Variants in TSHB observed in about 807,000 individuals in gnomAD.
TSHB encodes the protein thyrotropin subunit beta.
In TSHB, 9 loss-of-function variants were observed where a neutral mutation model predicts 9.3. The ratio of observed to expected loss-of-function variants is 0.97; its 90% confidence interval spans 0.58 to 1.69. The LOEUF is 1.69. Ranked by LOEUF, TSHB falls within the 40% of genes most tolerant of loss-of-function variation. The probability of loss-of-function intolerance (pLI) is 0.00; values close to 1 mark genes in which losing one functional copy is unlikely to be tolerated. For synonymous variants in TSHB, 57 were observed against 57.2 expected (o/e 1.00, Z 0.01); for missense variants, 182 against 168.5 (o/e 1.08, Z -0.44).
chr1:115,031,120 T>C (rs1674885853), intron 1 of TSHB, among the ~76,000 whole-genome samples: 1 of 152,124 alleles, frequency 6.6e-6, no homozygotes, highest in Admixed American at 6.6e-5. Flanking sequence ...GGTGAGAAAG[T>C]TGAGGCCCAG....
chr1:115,031,663 A>G (rs1248717568), intron 1 of TSHB, among the ~76,000 whole-genome samples: 1 of 152,028 alleles, frequency 6.6e-6, no homozygotes, highest in Non-Finnish European at 1.5e-5. Context: ...ATAATTTACC[A>G]GTTAGTAATT....
intron 1 of TSHB, among the ~76,000 whole-genome samples, 199 bp downstream of exon 1, chr1:115,030,059 G>A (rs749959881): frequency 1.1e-4 from 16 of 151,946 alleles, no homozygotes; most frequent in Admixed American, 2.0e-4. Context: ...ATAAGGATAA[G>A]GAAAAAATTC....
At position 115,033,343 on chromosome 1, in the gene TSHB, A is replaced by C. The variant is rs1674935218; in HGVS notation, c.-1-19A>C. The C allele has an allele frequency of 6.2e-7, 1 of 1,612,422 alleles. No individual in the cohort carries two copies. Among genetic ancestry groups the C allele is most frequent in the African/African-American group, 1.3e-5 (1 of 74,946 alleles). ...TCTGATTTTAACAAATAGGTTCTTT[A>C]ATTTTATCTTTGATTTAGCATGACT... On this transcript the variant is annotated intron_variant, in intron 1 of 2. Transcript: ENST00000256592.
At position 115,033,499 on chromosome 1, in the gene TSHB, T is replaced by A. The variant is rs1674940507; in HGVS notation, c.137T>A (p.Ile46Asn). 1 of 1,613,158 alleles carries A rather than the reference T, an allele frequency of 6.2e-7. No individual in the cohort carries two copies. The highest frequency in any genetic ancestry group is 1.3e-5 in the African/African-American group (1 of 74,862). Residue 46 changes from isoleucine (I) to asparagine (N), a missense_variant, in exon 2 of 3, where the codon ATC becomes AAC. Coordinates refer to ENST00000256592, the MANE Select transcript of TSHB (RefSeq NM_000549.5). ...CAYCLTINTTICAGYCMTRDI... is the reference protein window; with the variant it reads ...CAYCLTINTTNCAGYCMTRDI... ...TATTGCCTAACCATCAACACCACCA[T>A]CTGTGCTGGATATTGTATGACACGG...
Position 115,034,084 on chromosome 1 carries a change from G to A in TSHB, c.274G>A (p.Ala92Thr). 1.2e-6 allele frequency: 2 copies of A among 1,613,768 alleles called. No homozygotes were observed. The highest frequency in any genetic ancestry group is 1.1e-5 in the South Asian group (1 of 91,082). The change falls in exon 3 of 3, where the codon GCT becomes ACT. Residue 92 changes from alanine (A) to threonine (T), a missense_variant. Transcript: ENST00000256592. ...VEIPGCPLHV[A>T]PYFSYPVALS... ...AATACCAGGATGCCCACTCCATGTT[G>A]CTCCCTATTTTTCCTATCCTGTTGC...
intron 1 of TSHB, among the ~76,000 whole-genome samples, chr1:115,032,732 T>G (rs986296100): frequency 6.6e-6 from 1 of 152,012 alleles, no homozygotes; most frequent in Non-Finnish European, 1.5e-5. Flanking sequence ...GATATCAATA[T>G]CAATATCATA....
intron 1 of TSHB, among the ~76,000 whole-genome samples, chr1:115,032,670 C>T (rs1489830649): frequency 6.6e-6 from 1 of 151,826 alleles, no homozygotes; most frequent in Non-Finnish European, 1.5e-5. Context: ...ATTACCCTTC[C>T]TCAGTAGTAG....
rs1430418408 is a variant in TSHB at position 115,033,476 on chromosome 1, T to C, written c.114T>C (p.Tyr38=). Residue 38 remains tyrosine, a synonymous_variant, in exon 2 of 3, where the codon TAT becomes TAC. Coordinates refer to ENST00000256592, the MANE Select transcript of TSHB (RefSeq NM_000549.5). ...ACATCGAAAGGAGAGAGTGTGCTTA[T>C]TGCCTAACCATCAACACCACCATCT... ...TMHIERRECA[Y]CLTINTTICA... The C allele has an allele frequency of 6.2e-7, 1 of 1,613,408 alleles. No homozygotes were observed. The highest frequency in any genetic ancestry group is 2.2e-5 in the East Asian group (1 of 44,870).
In TSHB at chr1:115,034,120, A is replaced by G. The variant is rs1275494760; in HGVS notation, c.310A>G (p.Lys104Glu). Residue 104 changes from lysine (K) to glutamate (E), a missense_variant, in exon 3 of 3, where the codon AAG becomes GAG. By Grantham distance (56) the Lys-to-Glu change is moderately conservative. Transcript: ENST00000256592. ...YFSYPVALSC[K>E]CGKCNTDYSD... ...TTCCTATCCTGTTGCTTTAAGCTGT[A>G]AGTGTGGCAAGTGCAATACTGACTA... The G allele has an allele frequency of 6.2e-7, 1 of 1,613,846 alleles. No homozygotes were observed. The highest frequency in any genetic ancestry group is 2.2e-5 in the East Asian group (1 of 44,860).
rs776922825 is a variant in TSHB at position 115,034,261 on chromosome 1, T to G, written c.*34T>G. On this transcript the variant is annotated 3_prime_UTR_variant, in exon 3 of 3. Coordinates refer to ENST00000256592, the MANE Select transcript of TSHB (RefSeq NM_000549.5). ...TAATTTGCAATTTGGTTAAATGTGC[T>G]TGCCTGAAATAAAGCTAATAAAAAT... The G allele has an allele frequency of 6.9e-6, 11 of 1,598,628 alleles. No individual in the cohort carries two copies. In the Admixed American group the frequency reaches 1.7e-4, roughly 24 times the overall value.
chr1:115,032,509 C>T (rs1674913855), intron 1 of TSHB, among the ~76,000 whole-genome samples: 1 of 151,808 alleles, frequency 6.6e-6, no homozygotes, highest in African/African-American at 2.4e-5. Flanking sequence ...CAATACTACT[C>T]CATTAAGGTA....
intron 1 of TSHB, 109 bp from the exon 2 acceptor site, chr1:115,033,253 C>T: frequency 1.0e-6 from 1 of 979,348 alleles, no homozygotes; most frequent in South Asian, 1.4e-5. Context: ...GAATTATAAG[C>T]ATGATCATAT....
In TSHB at chr1:115,034,102, C is replaced by T. The variant is rs199873661; in HGVS notation, c.292C>T (p.Pro98Ser). The change falls in exon 3 of 3, where the codon CCT becomes TCT. Residue 98 changes from proline (P) to serine (S), a missense_variant. By Grantham distance (74) the Pro-to-Ser change is moderately conservative. Transcript: ENST00000256592. The stretch of plus-strand genomic sequence containing the variant: ...CCATGTTGCTCCCTATTTTTCCTAT[C>T]CTGTTGCTTTAAGCTGTAAGTGTGG... ...PLHVAPYFSYPVALSCKCGKC... is the reference protein window; with the variant it reads ...PLHVAPYFSYSVALSCKCGKC... 1.2e-6 allele frequency: 2 copies of T among 1,613,764 alleles called. No individual in the cohort carries two copies. Among genetic ancestry groups the T allele is most frequent in the Non-Finnish European group, 1.7e-6 (2 of 1,179,794 alleles).
rs140670184 is a variant in TSHB, at chr1:115,033,390, C to A, written c.28C>A (p.Leu10Ile). The A allele has an allele frequency of 6.2e-7, 1 of 1,613,258 alleles. No homozygotes were observed. The highest frequency in any genetic ancestry group is 2.2e-5 in the East Asian group (1 of 44,858). Residue 10 changes from leucine to isoleucine, a missense_variant, in exon 2 of 3, where the codon CTT becomes ATT. Transcript: ENST00000256592. MTALFLMSM[L>I]FGLTCGQAMS... ...GACTGCTCTCTTTCTGATGTCCATG[C>A]TTTTTGGCCTTACATGTGGGCAAGC...
At position 115,034,006 on chromosome 1, in the gene TSHB, G is replaced by T; in HGVS notation, c.196G>T (p.Ala66Ser). ...TGGCAAACTGTTTCTTCCCAAATAT[G>T]CTCTGTCCCAGGATGTTTGCACATA... is the stretch of plus-strand genomic sequence containing the variant. ...INGKLFLPKY[A>S]LSQDVCTYRD... The change falls in exon 3 of 3, where the codon GCT (alanine) becomes TCT (serine). Residue 66 changes from alanine (A) to serine (S), a missense_variant. Transcript: ENST00000256592. 1 of 1,613,602 alleles carries T rather than the reference G, an allele frequency of 6.2e-7. No individual in the cohort carries two copies. The highest frequency in any genetic ancestry group is 8.5e-7 in the Non-Finnish European group (1 of 1,179,680).
intron 1 of TSHB, among the ~76,000 whole-genome samples, chr1:115,030,156 T>G (rs780162827): frequency 6.6e-6 from 1 of 152,060 alleles, no homozygotes; most frequent in African/African-American, 2.4e-5. Context: ...TCATTTTGAT[T>G]TAAATATTGT....
rs1674936217 is a variant in TSHB, at chr1:115,033,399, C to T, written c.37C>T (p.Leu13Phe). The change falls in exon 2 of 3, where the codon CTT (leucine) becomes TTT (phenylalanine). Residue 13 changes from leucine (L) to phenylalanine (F), a missense_variant. Leu to Phe is a conservative substitution (Grantham distance 22, BLOSUM62 0). Coordinates refer to ENST00000256592, the MANE Select transcript of TSHB (RefSeq NM_000549.5). ...ALFLMSMLFGLTCGQAMSFCI... is the reference protein window; with the variant it reads ...ALFLMSMLFGFTCGQAMSFCI... ...CTTTCTGATGTCCATGCTTTTTGGC[C>T]TTACATGTGGGCAAGCGATGTCTTT... is the stretch of plus-strand genomic sequence containing the variant. The T allele has an allele frequency of 6.2e-7, 1 of 1,613,428 alleles. No homozygotes were observed.
In TSHB at chr1:115,033,383, GTCC is replaced by G; in HGVS notation, c.22_24del (p.Ser8del). 6.2e-7 allele frequency: 1 copy of G among 1,613,368 alleles called. No individual in the cohort carries two copies. Among genetic ancestry groups the G allele is most frequent in the Non-Finnish European group, 8.5e-7 (1 of 1,179,460 alleles). On this transcript the variant is annotated inframe_deletion, in exon 2 of 3. Coordinates refer to ENST00000256592, the MANE Select transcript of TSHB (RefSeq NM_000549.5). ...TTAGCATGACTGCTCTCTTTCTGAT[GTCC>G]ATGCTTTTTGGCCTTACATGTGGGC... is the stretch of plus-strand genomic sequence containing the variant.
In TSHB at chr1:115,034,250, G is replaced by T; in HGVS notation, c.*23G>T. The stretch of plus-strand genomic sequence containing the variant: ...TAATAGTGATATAATTTGCAATTTG[G>T]TTAAATGTGCTTGCCTGAAATAAAG... On this transcript the variant is annotated 3_prime_UTR_variant, in exon 3 of 3. Coordinates refer to ENST00000256592, the MANE Select transcript of TSHB (RefSeq NM_000549.5). The T allele has an allele frequency of 6.2e-7, 1 of 1,611,518 alleles. No homozygotes were observed. Among genetic ancestry groups the T allele is most frequent in the Non-Finnish European group, 8.5e-7 (1 of 1,177,910 alleles).
Sources: allele counts gnomAD v4.1 joint callset (sites outside exome capture counted in the v4.1 genomes callset), GRCh38; gene constraint gnomAD v4.1.1; transcripts MANE v1.5; gene names NCBI Gene and HGNC (gene_info 2026-07-23, HGNC 2026-07-21).